MMP2: variants seen among roughly 807,000 people sequenced by gnomAD.
MMP2 encodes 72 kDa type IV collagenase.
In MMP2, 39 loss-of-function variants were observed where a neutral mutation model predicts 74.8. That is an observed-to-expected ratio of 0.52 (90% CI 0.40 to 0.68). MMP2 has a LOEUF of 0.68. Among genes scored for constraint, MMP2 ranks in the 30% least tolerant of loss-of-function variants. The pLI is 0.00. For missense variants in MMP2, 803 were observed against 878.3 expected (o/e 0.91, Z 1.08); for synonymous variants, 367 against 339.8 (o/e 1.08, Z -0.88).
chr16:55,488,644 G>C lies in MMP2; in HGVS notation c.934G>C (p.Asp312His), dbSNP rs746085877. ...CAGCTGCACCACTGAGGGCCGCACG[G>C]ATGGCTACCGCTGGTGCGGCACCAC... ...YDSCTTEGRT[D>H]GYRWCGTTED... The change falls in exon 6 of 13, where the codon GAT (aspartate) becomes CAT (histidine). Residue 312 changes from aspartate (D) to histidine (H), a missense_variant. By Grantham distance (81) the Asp-to-His change is moderately conservative (BLOSUM62 -1). Around this residue, in one of 3 missense-constraint regions of MMP2, gnomAD observed 555 missense variants for 592.0 expected, o/e 0.94. Coordinates refer to ENST00000219070, the MANE Select transcript of MMP2 (RefSeq NM_004530.6). The C allele has an allele frequency of 6.2e-7, 1 of 1,613,728 alleles. No individual in the cohort carries two copies. The highest frequency in any genetic ancestry group is 8.5e-7 in the Non-Finnish European group (1 of 1,179,872).
chr16:55,487,684 C>T (rs1400050891), intron 5 of MMP2: 3 of 152,496 alleles, frequency 2.0e-5, no homozygotes, highest in East Asian at 1.9e-4. Flanking sequence ...ATTCCAGAGA[C>T]ACCATTTTTT....
chr16:55,502,994 G>T, intron 12 of MMP2, 106 bp downstream of exon 12: 2 of 901,542 alleles, frequency 2.2e-6, no homozygotes, highest in Non-Finnish European at 3.5e-6. Context: ...AGGCAGGCAG[G>T]CGGCGCCCAG....
chr16:55,483,216 A>T lies in MMP2; in HGVS notation c.380+81A>T, dbSNP rs1275504356. The T allele has an allele frequency of 3.3e-5, 37 of 1,121,314 alleles. No individual in the cohort carries two copies. The East Asian group carries it at 8.7e-4, about 26-fold the overall frequency. 69.5% of individuals were successfully genotyped at this position (1,121,314 alleles called of 1,614,324 possible). A position where few individuals can be genotyped will look rare whatever the true frequency, so the allele number is the denominator to read the frequency against. ...CTTGACCCATGCATTCTCTCCACTC[A>T]GGGGATCCATGAGGTGTCTTTTGTG... On this transcript the variant is annotated intron_variant, in intron 2 of 12. Transcript: ENST00000219070.
At position 55,505,971 on chromosome 16, in the gene MMP2, T is replaced by C. The variant is rs1962791783; in HGVS notation, c.*529T>C. ...TTGCTTTGTATGCACTTTGTTTTTTTCTTTGGGTCTTGTTTTTTTTTTCCA... is the reference window on the plus strand; with the variant it reads ...TTGCTTTGTATGCACTTTGTTTTTTCCTTTGGGTCTTGTTTTTTTTTTCCA... On this transcript the variant is annotated 3_prime_UTR_variant, in exon 13 of 13. Coordinates refer to ENST00000219070, the MANE Select transcript of MMP2 (RefSeq NM_004530.6). 1 of 162,910 alleles carries C rather than the reference T, an allele frequency of 6.1e-6. No individual in the cohort carries two copies. Among genetic ancestry groups the C allele is most frequent in the Non-Finnish European group, 1.3e-5 (1 of 74,106 alleles). The allele number at this position is 162,910 out of a possible 1,614,324, so 10.1% of individuals were successfully genotyped here. A position where few individuals can be genotyped will look rare whatever the true frequency, so the allele number is the denominator to read the frequency against.
Position 55,484,088 on chromosome 16 carries a change from G to C in MMP2, c.453G>C (p.Trp151Cys). Residue 151 changes from tryptophan to cysteine, a missense_variant, in exon 3 of 13, where the codon TGG becomes TGC. This residue lies in a region of MMP2 where 223 missense variants were observed against 232.8 expected (regional missense o/e 0.96). Coordinates refer to ENST00000219070, the MANE Select transcript of MMP2 (RefSeq NM_004530.6). ...DDAFARAFQV[W>C]SDVTPLRFSR... ...CCTTTGCTCGTGCCTTCCAAGTCTG[G>C]AGCGATGTGACCCCACTGCGGTTTT... 1 of 1,614,186 alleles carries C rather than the reference G, an allele frequency of 6.2e-7. No individual in the cohort carries two copies. Among genetic ancestry groups the C allele is most frequent in the Non-Finnish European group, 8.5e-7 (1 of 1,180,034 alleles).
intron 12 of MMP2, among the ~76,000 whole-genome samples, chr16:55,504,259 A>G (rs1043837187): frequency 1.3e-5 from 2 of 152,086 alleles, no homozygotes; most frequent in Non-Finnish European, 2.9e-5. Flanking sequence ...GACTTTTTGG[A>G]TGTTTACATG....
In MMP2 at chr16:55,493,239, T is replaced by C. The variant is rs749913403; in HGVS notation, c.1418T>C (p.Ile473Thr). ...PVTPEICKQD[I>T]VFDGIAQIRG... is the part of the protein sequence containing the mutation. ...ACTCCTGAGATCTGCAAACAGGACA[T>C]TGTATTTGATGGCATCGCTCAGATC... The change falls in exon 9 of 13, where the codon ATT (isoleucine) becomes ACT (threonine). Residue 473 changes from isoleucine to threonine, a missense_variant. This residue lies in a region of MMP2 where 555 missense variants were observed against 592.0 expected (regional missense o/e 0.94). Coordinates refer to ENST00000219070, the MANE Select transcript of MMP2 (RefSeq NM_004530.6). 71 of 1,614,132 alleles carry C rather than the reference T, an allele frequency of 4.4e-5. No individual in the cohort carries two copies. Among genetic ancestry groups the C allele is most frequent in the Non-Finnish European group, 5.9e-5 (70 of 1,180,024 alleles).
intron 9 of MMP2, among the ~76,000 whole-genome samples, chr16:55,496,292 G>A (rs1962526714): frequency 6.6e-6 from 1 of 152,174 alleles, no homozygotes; most frequent in African/African-American, 2.4e-5. Context: ...TGGGGGTAGG[G>A]GACACAGGGT....
At chr16:55,480,001 A>G (rs1362992007) in intron 1 of MMP2, 5 of 303,446 alleles carry the variant, frequency 1.6e-5, no homozygotes, top group Admixed American at 4.8e-5. Context: ...CGGTCTTTGT[A>G]AACAACTTTT....
At position 55,506,319 on chromosome 16, in the gene MMP2, C is replaced by T. The variant is rs147262155; in HGVS notation, c.*877C>T. The T allele has an allele frequency of 6.6e-5, 10 of 152,406 alleles. No homozygotes were observed. The East Asian group carries it at 1.7e-3, about 26-fold the overall frequency. The allele number at this position is 152,406 out of a possible 1,614,324, so 9.4% of individuals were successfully genotyped here. On this transcript the variant is annotated 3_prime_UTR_variant, in exon 13 of 13. Transcript: ENST00000219070. ...AAGCGGAAACTTAAAAAGTCCGAAT[C>T]TCTGCTCCCTGCAGGGCACAGGTGA...
chr16:55,496,762 T>A (rs1962537094), intron 9 of MMP2, among the ~76,000 whole-genome samples, 164 bp from the exon 10 acceptor site: 2 of 152,184 alleles, frequency 1.3e-5, no homozygotes, highest in African/African-American at 4.8e-5. Context: ...AGACAGGAAC[T>A]CTGCCCGTTC....
intron 6 of MMP2, among the ~76,000 whole-genome samples, chr16:55,489,010 G>T (rs1962333442): frequency 6.6e-6 from 1 of 152,118 alleles, no homozygotes; most frequent in African/African-American, 2.4e-5. Flanking sequence ...TTTCTCTCAG[G>T]CTCTCTGGCA....
chr16:55,504,154 T>A (rs576487931), intron 12 of MMP2, among the ~76,000 whole-genome samples: 12 of 151,458 alleles, frequency 7.9e-5, no homozygotes, highest in African/African-American at 2.9e-4. Context: ...TGAGACCTGG[T>A]CTCAAAAAAA....
At chr16:55,501,116 A>G (rs1222978518) in intron 11 of MMP2, among the ~76,000 whole-genome samples, 10 of 152,368 alleles carry the variant, frequency 6.6e-5, no homozygotes, top group African/African-American at 2.4e-4. Context: ...GCCTGAGGCT[A>G]TGCAGGTCAC....
At chr16:55,486,352 T>TGCGTGC (rs1567375095) in intron 5 of MMP2, among the ~76,000 whole-genome samples, 5 of 55,988 alleles carry the variant, frequency 8.9e-5, no homozygotes, top group African/African-American at 3.0e-4. Flanking sequence ...TGTGCCTGTG[T>TGCGTGC]GTGTGTGTGT....
intron 11 of MMP2, 52 bp downstream of exon 11, chr16:55,498,500 A>T: frequency 6.2e-7 from 1 of 1,613,112 alleles, no homozygotes; most frequent in Non-Finnish European, 8.5e-7. Context: ...CGAGAGACAG[A>T]GAAGCCGCCC....
At chr16:55,497,277 A>G (rs1962554431) in intron 10 of MMP2, among the ~76,000 whole-genome samples, 1 of 151,742 alleles carries the variant, frequency 6.6e-6, no homozygotes. Context: ...GATAGCATTA[A>G]CCCTCAGTGT....
At chr16:55,498,183 G>T in intron 10 of MMP2, 106 bp from the exon 11 acceptor site, 1 of 1,441,504 alleles carries the variant, frequency 6.9e-7, no homozygotes, top group Non-Finnish European at 9.6e-7. Context: ...GTTGCACTCT[G>T]TTGGGAATGG....
intron 1 of MMP2, chr16:55,479,977 G>A (rs1460524072): frequency 1.1e-5 from 1 of 92,956 alleles, no homozygotes; most frequent in Non-Finnish European, 2.1e-5. Context: ...GGGACATTTG[G>A]CGGGGGGGGG....
Sources: gnomAD v4.1 joint callset for allele counts (sites outside exome capture counted in the v4.1 genomes callset) on GRCh38, gnomAD v4.1.1 for gene constraint, gnomAD v4.1.1 regional missense constraint, MANE v1.5 for transcripts, NCBI Gene and HGNC (gene_info 2026-07-23, HGNC 2026-07-21) for gene names.